The following ITPRID1 variants were observed in gnomAD, a reference collection of about 807,000 sequenced individuals.
ITPRID1 encodes the protein ITPR interacting domain containing 1.
Under a neutral mutation model 95.4 loss-of-function variants are expected in ITPRID1, and 96 were observed. The observed-to-expected ratio is 1.01, with a 90% CI of 0.85 to 1.19. ITPRID1 has a LOEUF of 1.19. Among genes scored for constraint, ITPRID1 ranks in the 50% most tolerant of loss-of-function variants. The pLI is 0.00. For missense variants in ITPRID1, 1,339 were observed against 1,252.9 expected, an observed-to-expected ratio of 1.07 and a Z score of -1.04; for synonymous variants, 510 against 453.6, an observed-to-expected ratio of 1.12 and a Z score of -1.58.
Position 31,651,268 on chromosome 7 carries a change from AG to A in ITPRID1, c.2711+1del. On this transcript the variant is annotated frameshift_variant and splice_region_variant, in exon 13 of 15. Coordinates refer to ENST00000615280, the MANE Select transcript of ITPRID1 (RefSeq NM_001257967.3). LOFTEE classifies it high-confidence loss of function. ...TTCCAGGGACATGTCAGAGGAGGAA[AG>A]GTAATTACCTAAGGGAGCCATAAAA... The part of the protein sequence containing the change: ...LFSRDMSEEE[R>X]EEAEQLQTLR... The A allele has an allele frequency of 6.2e-7, 1 of 1,612,862 alleles. No homozygotes were observed. Among genetic ancestry groups the A allele is most frequent in the East Asian group, 2.2e-5 (1 of 44,862 alleles).
Position 31,643,551 on chromosome 7 carries a change from G to T in ITPRID1, c.2181G>T (p.Gly727=), listed in dbSNP as rs372213107. The T allele has an allele frequency of 3.6e-5, 58 of 1,613,930 alleles. No individual in the cohort carries two copies. Among genetic ancestry groups the T allele is most frequent in the Non-Finnish European group, 4.6e-5 (54 of 1,179,918 alleles). Residue 727 remains glycine, a synonymous_variant, in exon 12 of 15, where the codon GGG becomes GGT. Transcript: ENST00000615280. ...CTGCTCAGAGGGCTGTGGCCTTGGG[G>T]ACTGGTCCCAGAGGAACATCTTTAG... ...VSAAQRAVAL[G]TGPRGTSLEC...
chr7:31,540,136 G>A (rs1433626057), intron 1 of ITPRID1, among the ~76,000 whole-genome samples: 1 of 152,160 alleles, frequency 6.6e-6, no homozygotes, highest in African/African-American at 2.4e-5. Context: ...TGCTGATGAG[G>A]GGATGGAGAG....
chr7:31,549,967 A>G (rs1208370622), intron 2 of ITPRID1, among the ~76,000 whole-genome samples: 3 of 152,184 alleles, frequency 2.0e-5, no homozygotes, highest in Non-Finnish European at 2.9e-5. Context: ...TTATGATTTC[A>G]CTGTGGCTCT....
chr7:31,622,268 A>G (rs1409881410), intron 10 of ITPRID1, among the ~76,000 whole-genome samples: 2 of 136,568 alleles, frequency 1.5e-5, no homozygotes, highest in East Asian at 4.7e-4. Flanking sequence ...ATAGGCATCT[A>G]CAGAACTCTC....
chr7:31,580,363 C>T (rs995682065), intron 9 of ITPRID1, among the ~76,000 whole-genome samples: 23 of 150,804 alleles, frequency 1.5e-4, no homozygotes, highest in African/African-American at 5.4e-4. Flanking sequence ...CAAAAAGTTT[C>T]ACCAAACTCC....
chr7:31,614,353 T>A (rs755489115), intron 10 of ITPRID1, among the ~76,000 whole-genome samples: 3 of 152,072 alleles, frequency 2.0e-5, no homozygotes, highest in Non-Finnish European at 2.9e-5. Flanking sequence ...AGGGCGAGGC[T>A]CAACTTTAGC....
chr7:31,599,694 T>TC (rs1562599189), intron 10 of ITPRID1, among the ~76,000 whole-genome samples: 1 of 95,890 alleles, frequency 1.0e-5, no homozygotes, highest in African/African-American at 4.4e-5. Context: ...CTCTCTCTCT[T>TC]TCTTTCTTTC....
chr7:31,529,038 C>T (rs1473478040), intron 1 of ITPRID1, among the ~76,000 whole-genome samples: 2 of 152,304 alleles, frequency 1.3e-5, no homozygotes, highest in East Asian at 1.9e-4. Flanking sequence ...TACTCATCTT[C>T]CTAATGTGAA....
chr7:31,611,002 T>C (rs1011683439), intron 10 of ITPRID1, among the ~76,000 whole-genome samples: 4 of 151,834 alleles, frequency 2.6e-5, no homozygotes, highest in Non-Finnish European at 5.9e-5. Context: ...TTTCATTATA[T>C]GTTTTATATG....
chr7:31,658,536 G>T (rs530960871), downstream of ITPRID1: 4 of 524,086 alleles, frequency 7.6e-6, no homozygotes, highest in East Asian at 1.3e-4. Flanking sequence ...GTGGAATGGT[G>T]GGTTGCATAC....
In ITPRID1 at chr7:31,642,193, G is replaced by C; in HGVS notation, c.1246G>C (p.Ala416Pro). The C allele has an allele frequency of 1.9e-6, 3 of 1,560,760 alleles. No homozygotes were observed. Among genetic ancestry groups the C allele is most frequent in the Non-Finnish European group, 2.6e-6 (3 of 1,153,478 alleles). The stretch of plus-strand genomic sequence containing the variant: ...TTCTGCAGGTGCCAGGGTGGACAGA[G>C]CAAATAGCTGCCAGTCTGACAGCAG... ...SGTVGARVDR[A>P]NSCQSDSSGF... Residue 416 changes from alanine (A) to proline (P), a missense_variant, in exon 11 of 15, where the codon GCA becomes CCA. Coordinates refer to ENST00000615280, the MANE Select transcript of ITPRID1 (RefSeq NM_001257967.3).
chr7:31,542,272 T>C (rs1259113600), intron 1 of ITPRID1, among the ~76,000 whole-genome samples: 1 of 152,218 alleles, frequency 6.6e-6, no homozygotes, highest in Non-Finnish European at 1.5e-5. Flanking sequence ...CCATGTGTCC[T>C]AGGTCTTACC....
chr7:31,545,126 G>T (rs536943876), intron 1 of ITPRID1, among the ~76,000 whole-genome samples: 1 of 152,194 alleles, frequency 6.6e-6, no homozygotes, highest in East Asian at 1.9e-4. Context: ...TTAGAGTCAG[G>T]GGTGAAGAGT....
chr7:31,625,335 C>A lies in ITPRID1; in HGVS notation c.1229-16841C>A, dbSNP rs556900513. Among the ~76,000 whole-genome samples the A allele has an allele frequency of 2.1e-3, 315 of 151,880 alleles. 2 individuals are homozygous for A. Among genetic ancestry groups the A allele is most frequent in the African/African-American group, 7.3e-3 (300 of 41,298 alleles). On this transcript the variant is annotated intron_variant, in intron 10 of 14. Transcript: ENST00000615280. Reference sequence around the variant, plus strand: ...GACACATGCACTCATATGTTTATTGCGGCACTATTCACAATAGCAAAGACT... The same window carrying A: ...GACACATGCACTCATATGTTTATTGAGGCACTATTCACAATAGCAAAGACT...
chr7:31,522,473 G>C lies in ITPRID1; in HGVS notation c.-98+8353G>C, dbSNP rs6974680. Among the ~76,000 whole-genome samples the C allele has an allele frequency of 5.9e-3, 898 of 152,310 alleles. 7 individuals are homozygous for C. Among genetic ancestry groups the C allele is most frequent in the African/African-American group, 0.019 (778 of 41,562 alleles). ...TCGTCTCATGGAACTTATGAGGAAA[G>C]TTGCTCATGAAGGAATAAGCCACAC... On this transcript the variant is annotated intron_variant, in intron 1 of 14. Coordinates refer to ENST00000615280, the MANE Select transcript of ITPRID1 (RefSeq NM_001257967.3).
intron 10 of ITPRID1, among the ~76,000 whole-genome samples, chr7:31,635,876 C>T (rs1789438004): frequency 1.3e-5 from 2 of 152,190 alleles, no homozygotes; most frequent in South Asian, 4.2e-4. Context: ...ACCACCATGG[C>T]ACAAGTTTAC....
chr7:31,644,406 G>A lies in ITPRID1; in HGVS notation c.2583+453G>A, dbSNP rs139336050. ...ACAGGATTGTTTTAGGATTAAATAA[G>A]AAGAACCCTGTAAAGCACTCAGCCC... On this transcript the variant is annotated intron_variant, in intron 12 of 14. Transcript: ENST00000615280. 9.5e-4 allele frequency among the ~76,000 whole-genome samples: 144 copies of A among 152,322 alleles called. 1 individual carries two copies. The highest frequency in any genetic ancestry group is 3.3e-3 in the African/African-American group (139 of 41,570).
intron 1 of ITPRID1, chr7:31,529,828 A>G: frequency 2.0e-6 from 3 of 1,534,176 alleles, no homozygotes; most frequent in Non-Finnish European, 2.6e-6. Context: ...ATTCTGGTAC[A>G]GTAACTCTTA....
intron 10 of ITPRID1, among the ~76,000 whole-genome samples, chr7:31,624,423 G>A (rs928522619): frequency 5.2e-5 from 7 of 134,310 alleles, no homozygotes; most frequent in Admixed American, 2.4e-4. Flanking sequence ...CCAAAACAGA[G>A]ATATAGATCA....
Sources: allele counts gnomAD v4.1 joint callset (sites outside exome capture counted in the v4.1 genomes callset), GRCh38; gene constraint gnomAD v4.1.1; transcripts MANE v1.5; gene names NCBI Gene and HGNC (gene_info 2026-07-23, HGNC 2026-07-21).